Variants in TBCE observed in about 807,000 individuals in gnomAD.
TBCE encodes the protein tubulin folding cofactor E.
In TBCE, 53 loss-of-function variants were observed where a neutral mutation model predicts 77.0. That is an observed-to-expected ratio of 0.69 (90% confidence interval 0.55 to 0.87). TBCE has a LOEUF of 0.87. Ranked by LOEUF, TBCE falls within the 40% of genes least tolerant of loss-of-function variation. The pLI, the probability that TBCE is intolerant of heterozygous loss-of-function variation, is 0.00. For synonymous variants in TBCE, 235 were observed against 241.3 expected (o/e 0.97, Z 0.24); for missense variants, 624 against 622.4 (o/e 1.00, Z -0.03).
chr1:235,387,828 A>G (rs367888859), intron 2 of TBCE, among the ~76,000 whole-genome samples: 2 of 152,176 alleles, frequency 1.3e-5, no homozygotes, highest in East Asian at 1.9e-4. Context: ...CGTGCAAGAA[A>G]GAATTCAGGG....
Position 235,419,559 on chromosome 1 carries a change from C to T in TBCE, c.458C>T (p.Pro153Leu). The T allele has an allele frequency of 6.2e-7, 1 of 1,613,976 alleles. No individual in the cohort carries two copies. The highest frequency in any genetic ancestry group is 8.5e-7 in the Non-Finnish European group (1 of 1,180,004). Residue 153 changes from proline to leucine, a missense_variant and splice_region_variant, in exon 5 of 17, where the codon CCT becomes CTT. Physicochemically the swap from Pro to Leu is moderately conservative, Grantham distance 98. Coordinates refer to ENST00000642610, the MANE Select transcript of TBCE (RefSeq NM_003193.5). ...AAAGGAGGAGTTGCTGAAGCATGTC[C>T]TAGTATCCTTTTCACCGAGAGCTTG... ...GEKGGVAEACPNIRKVDLSKN... is the reference protein window; with the variant it reads ...GEKGGVAEACLNIRKVDLSKN...
In TBCE at chr1:235,448,801, G is replaced by A. The variant is rs373300985; in HGVS notation, c.*39G>A. 282 of 1,379,176 alleles carry A rather than the reference G, an allele frequency of 2.0e-4. No homozygotes were observed. Among genetic ancestry groups the A allele is most frequent in the Non-Finnish European group, 2.7e-4 (258 of 968,622 alleles). The allele number at this position is 1,379,176 out of a possible 1,614,324, so 85.4% of individuals were successfully genotyped here. ...AAATTTAAAGACCACACTGCTTATCGTGTCTGGGGTTCACCGGAAATAAAT... is the reference window on the plus strand; with the variant it reads ...AAATTTAAAGACCACACTGCTTATCATGTCTGGGGTTCACCGGAAATAAAT... On this transcript the variant is annotated 3_prime_UTR_variant, in exon 17 of 17. Coordinates refer to ENST00000642610, the MANE Select transcript of TBCE (RefSeq NM_003193.5).
chr1:235,368,053 G>A lies in TBCE; in HGVS notation c.-32+549G>A, dbSNP rs183778634. Among the ~76,000 whole-genome samples, 24 of 152,252 alleles carry A rather than the reference G, an allele frequency of 1.6e-4. No homozygotes were observed. The East Asian group carries it at 4.1e-3, about 26-fold the overall frequency. On this transcript the variant is annotated intron_variant, in intron 1 of 16. Coordinates refer to ENST00000642610, the MANE Select transcript of TBCE (RefSeq NM_003193.5). The stretch of plus-strand genomic sequence containing the variant: ...CCCGAGTAGCTGGGATTACAGGCGC[G>A]TGCCACCACGCTCGGCTAATTTTTG...
chr1:235,392,162 A>AAAAT (rs970521573), intron 2 of TBCE, among the ~76,000 whole-genome samples: 41 of 151,766 alleles, frequency 2.7e-4, no homozygotes, highest in East Asian at 7.8e-4. Flanking sequence ...GTCTCTAGCA[A>AAAAT]AAATAAATAA....
Position 235,417,294 on chromosome 1 carries a change from C to T in TBCE, c.372-2179C>T, listed in dbSNP as rs149687470. Reference sequence around the variant, plus strand: ...TTTAGGGGGAAGGAGCGACATCTGTCGGACACAGTGCAAACTACAGTTTGA... The same window carrying T: ...TTTAGGGGGAAGGAGCGACATCTGTTGGACACAGTGCAAACTACAGTTTGA... On this transcript the variant is annotated intron_variant, in intron 4 of 16. Coordinates refer to ENST00000642610, the MANE Select transcript of TBCE (RefSeq NM_003193.5). Among the ~76,000 whole-genome samples the T allele has an allele frequency of 1.8e-3, 280 of 152,270 alleles. 1 individual carries two copies. Among genetic ancestry groups the T allele is most frequent in the African/African-American group, 6.5e-3 (271 of 41,546 alleles).
intron 1 of TBCE, among the ~76,000 whole-genome samples, chr1:235,373,074 C>CT (rs1205005282): frequency 1.3e-5 from 2 of 151,922 alleles, no homozygotes; most frequent in Non-Finnish European, 2.9e-5. Flanking sequence ...TAGCTCAAAC[C>CT]TGTAATCCCA....
chr1:235,429,745 TCTCA>T (rs1249198198), intron 6 of TBCE: 1 of 149,526 alleles, frequency 6.7e-6, no homozygotes, highest in Non-Finnish European at 1.5e-5. Context: ...TGAGGCAGAG[TCTCA>T]CTCTGTTGCC....
At chr1:235,369,637 A>T (rs1676780715) in intron 1 of TBCE, among the ~76,000 whole-genome samples, 1 of 149,674 alleles carries the variant, frequency 6.7e-6, no homozygotes. Flanking sequence ...GCCTGGCCAA[A>T]GTGGCGAAAC....
chr1:235,438,583 T>C (rs1051919406), intron 12 of TBCE, among the ~76,000 whole-genome samples, 186 bp from the exon 13 acceptor site: 1 of 151,930 alleles, frequency 6.6e-6, no homozygotes, highest in African/African-American at 2.4e-5. Flanking sequence ...ACTGAAATTC[T>C]TTTTTCTTTT....
At chr1:235,444,662 C>T (rs923251758) in intron 15 of TBCE, among the ~76,000 whole-genome samples, 3 of 152,198 alleles carry the variant, frequency 2.0e-5, no homozygotes, top group Admixed American at 2.0e-4. Flanking sequence ...GTCATCACCT[C>T]CCAAAGTGCT....
At chr1:235,370,465 T>C (rs535464195) in intron 1 of TBCE, among the ~76,000 whole-genome samples, 239 of 151,646 alleles carry the variant, frequency 1.6e-3, no homozygotes, top group Middle Eastern at 6.8e-3. Flanking sequence ...CTTGGCCAGG[T>C]TGGTCTTGAA....
In TBCE at chr1:235,450,170, T is replaced by A. The variant is rs1216244088; in HGVS notation, c.*1408T>A. ...ACTTGCACTCAGATTATCGTTTGCC[T>A]GCCCTGATTTTAGACTCTGCTAATT... On this transcript the variant is annotated 3_prime_UTR_variant, in exon 17 of 17. Transcript: ENST00000642610. The A allele has an allele frequency of 2.5e-6, 4 of 1,612,634 alleles. No individual in the cohort carries two copies. The highest frequency in any genetic ancestry group is 2.5e-6 in the Non-Finnish European group (3 of 1,178,898).
intron 15 of TBCE, 148 bp from the exon 16 acceptor site, chr1:235,448,201 T>TAAGTA (rs1682570958): frequency 3.0e-6 from 2 of 662,982 alleles, no homozygotes; most frequent in Admixed American, 2.8e-5. Flanking sequence ...CTTACTTAAG[T>TAAGTA]AAGTAAGTAA....
chr1:235,450,973 T>C lies in TBCE; in HGVS notation c.*2211T>C, dbSNP rs888385662. ...ACAGAGAGAAACTCATTCAATGTTT[T>C]GACAACACAAAAATGTTGGATAAAA... On this transcript the variant is annotated 3_prime_UTR_variant, in exon 17 of 17. Coordinates refer to ENST00000642610, the MANE Select transcript of TBCE (RefSeq NM_003193.5). 2.6e-5 allele frequency: 4 copies of C among 152,360 alleles called. No homozygotes were observed. The highest frequency in any genetic ancestry group is 7.2e-5 in the African/African-American group (3 of 41,578). 9.4% of individuals were successfully genotyped at this position (152,360 alleles called of 1,614,324 possible). A position where few individuals can be genotyped will look rare whatever the true frequency, so the allele number is the denominator to read the frequency against.
chr1:235,448,885 T>TAA lies in TBCE; in HGVS notation c.*124_*125dup, dbSNP rs1553341853. On this transcript the variant is annotated 3_prime_UTR_variant, in exon 17 of 17. Transcript: ENST00000642610. ...GGGGGTTTACAACTTGTCCTAAGTA[T>TAA]AACAAGGGATGTATTTTTTGTTGGG... The TAA allele has an allele frequency of 6.6e-6, 5 of 755,198 alleles. No homozygotes were observed. Among genetic ancestry groups the TAA allele is most frequent in the African/African-American group, 1.7e-5 (1 of 57,846 alleles). The allele number at this position is 755,198 out of a possible 1,614,324, so 46.8% of individuals were successfully genotyped here.
chr1:235,422,710 T>G (rs1680465453), intron 5 of TBCE, among the ~76,000 whole-genome samples: 1 of 151,068 alleles, frequency 6.6e-6, no homozygotes, highest in Non-Finnish European at 1.5e-5. Flanking sequence ...GCGCCTGTAG[T>G]CCCAGCTACT....
intron 1 of TBCE, among the ~76,000 whole-genome samples, chr1:235,368,243 G>C (rs1306385411): frequency 6.6e-6 from 1 of 152,086 alleles, no homozygotes; most frequent in Non-Finnish European, 1.5e-5. Context: ...ACTACCAAAT[G>C]GGGACTGTTC....
At chr1:235,387,445 G>A (rs1678081956) in intron 2 of TBCE, among the ~76,000 whole-genome samples, 1 of 152,194 alleles carries the variant, frequency 6.6e-6, no homozygotes, top group African/African-American at 2.4e-5. Flanking sequence ...GATGTGGTGG[G>A]CTCCACCCAG....
At chr1:235,415,644 A>G (rs895378378) in intron 4 of TBCE, 9 of 152,150 alleles carry the variant, frequency 5.9e-5, no homozygotes, top group Non-Finnish European at 1.2e-4. Context: ...TATTGTTGTT[A>G]TTAATAAAAG....
Sources: allele counts gnomAD v4.1 joint callset (sites outside exome capture counted in the v4.1 genomes callset), GRCh38; gene constraint gnomAD v4.1.1; transcripts MANE v1.5; gene names NCBI Gene and HGNC (gene_info 2026-07-23, HGNC 2026-07-21).